The following ADAMTS20 variants were observed in gnomAD, a reference collection of about 807,000 sequenced individuals.
The protein encoded by ADAMTS20 is A disintegrin and metalloproteinase with thrombospondin motifs 20.
In ADAMTS20, 225 loss-of-function variants were observed where a neutral mutation model predicts 260.1. The ratio of observed to expected loss-of-function variants is 0.87; its 90% confidence interval spans 0.78 to 0.97. ADAMTS20 has a LOEUF of 0.97. ADAMTS20 is among the 50% of genes least tolerant of loss of function. The probability of loss-of-function intolerance (pLI) is 0.00; values close to 1 mark genes in which losing one functional copy is unlikely to be tolerated. For synonymous variants in ADAMTS20, 802 were observed against 769.5 expected (o/e 1.04, Z -0.70); for missense variants, 2,400 against 2,337.7 (o/e 1.03, Z -0.55).
chr12:43,423,257 C>T (rs1510524), intron 28 of ADAMTS20: 31,903 of 155,348 alleles, frequency 0.21, 3,778 homozygotes, highest in African/African-American at 0.31. Flanking sequence ...ATAGATAACA[C>T]GTAAACAAAT....
intron 11 of ADAMTS20, among the ~76,000 whole-genome samples, chr12:43,460,150 A>G (rs1819695222): frequency 6.6e-6 from 1 of 152,230 alleles, no homozygotes. Context: ...TTAATTTAAA[A>G]AAGATAATTT....
intron 2 of ADAMTS20, among the ~76,000 whole-genome samples, chr12:43,548,043 C>T (rs1458883913): frequency 1.3e-5 from 2 of 152,092 alleles, no homozygotes; most frequent in Non-Finnish European, 2.9e-5. Flanking sequence ...TATCAATGGT[C>T]AATGAATTCT....
At chr12:43,468,773 T>C (rs1942201037) in intron 7 of ADAMTS20, 68 bp from the exon 8 acceptor site, 4 of 911,348 alleles carry the variant, frequency 4.4e-6, no homozygotes, top group Non-Finnish European at 6.9e-6. Context: ...GAACTTAATT[T>C]TGAAGCATTT....
intron 7 of ADAMTS20, among the ~76,000 whole-genome samples, chr12:43,489,296 CAT>C (rs1942567949): frequency 1.3e-5 from 2 of 151,956 alleles, no homozygotes; most frequent in Middle Eastern, 6.8e-3. Context: ...TATTTTCACA[CAT>C]AAAAGAATGA....
At chr12:43,409,492 C>T (rs1432214442) in intron 28 of ADAMTS20, among the ~76,000 whole-genome samples, 3 of 145,500 alleles carry the variant, frequency 2.1e-5, no homozygotes, top group Admixed American at 2.1e-4. Context: ...GTCCCAGCTA[C>T]TTGGGAGGCT....
intron 12 of ADAMTS20, 144 bp downstream of exon 12, chr12:43,453,763 C>T (rs1941912448): frequency 1.4e-6 from 1 of 738,480 alleles, no homozygotes; most frequent in Middle Eastern, 3.8e-4. Context: ...AAATATAAAT[C>T]AATGTGACTT....
At chr12:43,540,165 C>T (rs532381284) in intron 2 of ADAMTS20, among the ~76,000 whole-genome samples, 2 of 152,290 alleles carry the variant, frequency 1.3e-5, no homozygotes, top group East Asian at 3.9e-4. Flanking sequence ...CCACCATGCC[C>T]GGCCAACCAC....
At chr12:43,458,364 G>C (rs977431312) in intron 11 of ADAMTS20, among the ~76,000 whole-genome samples, 14 of 152,212 alleles carry the variant, frequency 9.2e-5, no homozygotes, top group African/African-American at 3.4e-4. Context: ...AGGGTCCCAA[G>C]ATATTTTTCT....
At chr12:43,499,024 A>G (rs548874356) in intron 4 of ADAMTS20, among the ~76,000 whole-genome samples, 2 of 152,296 alleles carry the variant, frequency 1.3e-5, no homozygotes, top group East Asian at 1.9e-4. Context: ...TCAGTGAGAG[A>G]GAAGAAAAGC....
intron 28 of ADAMTS20, among the ~76,000 whole-genome samples, chr12:43,419,097 A>G (rs1364762178): frequency 6.6e-6 from 1 of 152,162 alleles, no homozygotes; most frequent in Non-Finnish European, 1.5e-5. Context: ...GTGAGAGAAA[A>G]GTTACCATTC....
Position 43,479,546 on chromosome 12 carries a change from T to C in ADAMTS20, c.1118-10841A>G, listed in dbSNP as rs1221881750. On this transcript the variant is annotated intron_variant, in intron 7 of 38. Transcript: ENST00000389420. ...ATAAAAATAACAAGTCTCCACACAT[T>C]CATAAATATTTAAATGCATTTTTAT... 2.6e-5 allele frequency among the ~76,000 whole-genome samples: 4 copies of C among 152,226 alleles called. No individual in the cohort carries two copies. In the East Asian group the frequency reaches 7.7e-4, roughly 29 times the overall value.
At chr12:43,455,482 C>T (rs928336483) in intron 11 of ADAMTS20, among the ~76,000 whole-genome samples, 7 of 152,054 alleles carry the variant, frequency 4.6e-5, no homozygotes, top group South Asian at 2.1e-4. Flanking sequence ...GCAGAAGGAC[C>T]GAGACAGCTC....
intron 36 of ADAMTS20, among the ~76,000 whole-genome samples, chr12:43,370,668 G>T (rs1485973515): frequency 6.6e-6 from 1 of 152,174 alleles, no homozygotes; most frequent in Admixed American, 6.5e-5. Context: ...ATGACCTACA[G>T]ATATCTGTAA....
chr12:43,402,822 C>T (rs971657848), intron 28 of ADAMTS20, among the ~76,000 whole-genome samples: 1 of 151,928 alleles, frequency 6.6e-6, no homozygotes. Flanking sequence ...GACTTTTTCT[C>T]AAAAATCAGC....
intron 15 of ADAMTS20, among the ~76,000 whole-genome samples, chr12:43,446,374 T>A (rs1592073200): frequency 6.6e-6 from 1 of 152,292 alleles, no homozygotes; most frequent in East Asian, 1.9e-4. Context: ...TTTTTAAGAA[T>A]CAGATTTGCC....
intron 3 of ADAMTS20, among the ~76,000 whole-genome samples, chr12:43,521,959 A>G (rs1286156214): frequency 1.3e-5 from 2 of 152,176 alleles, no homozygotes; most frequent in Non-Finnish European, 2.9e-5. Flanking sequence ...GTACTCAAAG[A>G]CTATAAGAAT....
In ADAMTS20 at chr12:43,454,071, C is replaced by A; in HGVS notation, c.1615-19G>T. ...GGCAATGCTATAAAAATAATAAGCA[C>A]AAAAAGAAATGATGTGTGTCTCTAA... On this transcript the variant is annotated intron_variant, in intron 11 of 38. Transcript: ENST00000389420. The A allele has an allele frequency of 6.2e-7, 1 of 1,602,762 alleles. No homozygotes were observed. The highest frequency in any genetic ancestry group is 1.1e-5 in the South Asian group (1 of 89,100).
chr12:43,363,337 T>C (rs1047152434), intron 37 of ADAMTS20, among the ~76,000 whole-genome samples: 1 of 152,084 alleles, frequency 6.6e-6, no homozygotes, highest in Non-Finnish European at 1.5e-5. Flanking sequence ...AGTCTGAAGC[T>C]CCCTTCTTCC....
In ADAMTS20 at chr12:43,493,024, A is replaced by C. The variant is rs908295280; in HGVS notation, c.951+146T>G. Reference sequence around the variant, plus strand: ...CATTCTATTTTATTTCCATCACAACAAATAAGGGTAATCTCATTCCTTCTC... The same window carrying C: ...CATTCTATTTTATTTCCATCACAACCAATAAGGGTAATCTCATTCCTTCTC... On this transcript the variant is annotated intron_variant, in intron 5 of 38. Coordinates refer to ENST00000389420, the MANE Select transcript of ADAMTS20 (RefSeq NM_025003.5). The C allele has an allele frequency of 8.6e-5, 56 of 650,080 alleles. No individual in the cohort carries two copies. In the South Asian group the frequency reaches 9.0e-4, roughly 10 times the overall value. The allele number at this position is 650,080 out of a possible 1,614,324, so 40.3% of individuals were successfully genotyped here.
Sources: allele counts gnomAD v4.1 joint callset (sites outside exome capture counted in the v4.1 genomes callset), GRCh38; gene constraint gnomAD v4.1.1; transcripts MANE v1.5; gene names NCBI Gene and HGNC (gene_info 2026-07-23, HGNC 2026-07-21).